The following ZFP30 variants were observed in gnomAD, a reference collection of about 807,000 sequenced individuals.
The protein encoded by ZFP30 is zinc finger protein 30 homolog.
In ZFP30, 16 loss-of-function variants were observed where a neutral mutation model predicts 12.3. That is an observed-to-expected ratio of 1.30 (90% CI 0.88 to 1.98). The LOEUF (loss-of-function observed/expected upper bound fraction) is 1.98, where lower values mean the gene tolerates loss of function less well. Among genes scored for constraint, ZFP30 ranks in the 30% most tolerant of loss-of-function variants. ZFP30 has a pLI of 0.00. For missense variants in ZFP30, 560 were observed against 611.2 expected (o/e 0.92, Z 0.88); for synonymous variants, 172 against 201.0 (o/e 0.86, Z 1.22).
At position 37,636,251 on chromosome 19, in the gene ZFP30, T is replaced by C; in HGVS notation, c.290A>G (p.Glu97Gly). The part of the protein sequence containing the change: ...KKLFQGKDIY[E>G]MNLSQWKVME... ...TACCTTCCACTGAGATAAGTTCATT[T>C]CATAAATATCCTTTCCTTGAAATAA... The change falls in exon 6 of 6, where the codon GAA becomes GGA. Residue 97 changes from glutamate to glycine, a missense_variant. Physicochemically the swap from Glu to Gly is moderately conservative, Grantham distance 98. Transcript: ENST00000684514. 1 of 1,609,220 alleles carries C rather than the reference T, an allele frequency of 6.2e-7. No homozygotes were observed. Among genetic ancestry groups the C allele is most frequent in the Non-Finnish European group, 8.5e-7 (1 of 1,178,448 alleles).
upstream of ZFP30, chr19:37,655,837 C>T (rs961698070): frequency 2.0e-5 from 3 of 151,318 alleles, no homozygotes; most frequent in South Asian, 2.1e-4. Flanking sequence ...TGGAAATCGG[C>T]TTCTGCCTCG....
upstream of ZFP30, chr19:37,655,699 T>C (rs1172249929): frequency 6.6e-6 from 1 of 152,274 alleles, no homozygotes; most frequent in African/African-American, 2.4e-5. Flanking sequence ...TGCTCCCCTG[T>C]GGACACTGCG....
chr19:37,650,144 G>A (rs1476582829), intron 2 of ZFP30, among the ~76,000 whole-genome samples: 1 of 150,434 alleles, frequency 6.6e-6, no homozygotes, highest in Non-Finnish European at 1.5e-5. Flanking sequence ...TTTTTAGGCA[G>A]GCTTTTGCTC....
At chr19:37,644,816 G>T in intron 3 of ZFP30, 80 bp from the exon 4 acceptor site, 1 of 1,393,882 alleles carries the variant, frequency 7.2e-7, no homozygotes, top group Non-Finnish European at 9.7e-7. Context: ...GGGTGTAGTG[G>T]CTCAATGCTT....
intron 2 of ZFP30, among the ~76,000 whole-genome samples, chr19:37,652,056 G>A (rs2044662192): frequency 6.6e-6 from 1 of 152,080 alleles, no homozygotes; most frequent in Non-Finnish European, 1.5e-5. Context: ...TTTAAAATCA[G>A]ATTTAAATCT....
At chr19:37,650,150 T>G (rs2070267613) in intron 2 of ZFP30, among the ~76,000 whole-genome samples, 1 of 151,998 alleles carries the variant, frequency 6.6e-6, no homozygotes, top group Non-Finnish European at 1.5e-5. Context: ...GGCAGGCTTT[T>G]GCTCTGTCGC....
At chr19:37,644,916 C>CA (rs34274239) in intron 3 of ZFP30, among the ~76,000 whole-genome samples, 180 bp from the exon 4 acceptor site, 229 of 149,518 alleles carry the variant, frequency 1.5e-3, no homozygotes, top group African/African-American at 5.1e-3. Context: ...GAACTTGTCT[C>CA]AAAAAAAAAG....
chr19:37,651,018 AG>A (rs1568388091), intron 2 of ZFP30, among the ~76,000 whole-genome samples: 1 of 152,088 alleles, frequency 6.6e-6, no homozygotes, highest in Non-Finnish European at 1.5e-5. Context: ...TTGGGATTAT[AG>A]GTGTGAGCCA....
At chr19:37,639,961 C>T (rs74679010) in intron 5 of ZFP30, among the ~76,000 whole-genome samples, 397 of 152,270 alleles carry the variant, frequency 2.6e-3, no homozygotes, top group Non-Finnish European at 4.2e-3. Context: ...ACCAAATAGC[C>T]ATGTTTGTTC....
At position 37,633,678 on chromosome 19, in the gene ZFP30, A is replaced by T. The variant is rs1026247318; in HGVS notation, c.*1303T>A. Reference sequence around the variant, plus strand: ...AATTTTTTTTAAAATAATTCATTTTAAACTGGCTATAATTTCATGGATAAT... The same window carrying T: ...AATTTTTTTTAAAATAATTCATTTTTAACTGGCTATAATTTCATGGATAAT... On this transcript the variant is annotated 3_prime_UTR_variant, in exon 6 of 6. Transcript: ENST00000684514. 6.6e-6 allele frequency: 1 copy of T among 152,220 alleles called. No homozygotes were observed. Among genetic ancestry groups the T allele is most frequent in the Non-Finnish European group, 1.5e-5 (1 of 68,046 alleles). 9.4% of individuals were successfully genotyped at this position (152,220 alleles called of 1,614,324 possible). A position where few individuals can be genotyped will look rare whatever the true frequency, so the allele number is the denominator to read the frequency against.
intron 5 of ZFP30, among the ~76,000 whole-genome samples, chr19:37,638,100 A>G (rs895220026): frequency 2.6e-5 from 4 of 152,214 alleles, no homozygotes. Context: ...TAAATGGAAA[A>G]TAGTGATTTC....
chr19:37,640,730 T>C (rs1237720449), intron 5 of ZFP30, among the ~76,000 whole-genome samples: 1 of 150,046 alleles, frequency 6.7e-6, no homozygotes, highest in Non-Finnish European at 1.5e-5. Context: ...CAAAATAAAA[T>C]AAAATAAAAT....
chr19:37,643,151 C>A, intron 5 of ZFP30, 114 bp downstream of exon 5: 4 of 651,058 alleles, frequency 6.1e-6, no homozygotes, highest in East Asian at 3.5e-5. Context: ...TCTAAATTTT[C>A]TTCCCAAGTT....
Position 37,631,859 on chromosome 19 carries a change from C to T in ZFP30, c.*3122G>A, listed in dbSNP as rs985199549. 6.6e-6 allele frequency: 1 copy of T among 152,040 alleles called. No homozygotes were observed. Among genetic ancestry groups the T allele is most frequent in the Non-Finnish European group, 1.5e-5 (1 of 68,000 alleles). 9.4% of individuals were successfully genotyped at this position (152,040 alleles called of 1,614,324 possible). ...CACATAAATGATTTTCTATTCTAAA[C>T]TGTTGGATATAATTTCCCATAGAAA... is the stretch of plus-strand genomic sequence containing the variant. On this transcript the variant is annotated 3_prime_UTR_variant, in exon 6 of 6. Coordinates refer to ENST00000684514, the MANE Select transcript of ZFP30 (RefSeq NM_001320669.3).
intron 2 of ZFP30, among the ~76,000 whole-genome samples, chr19:37,650,882 C>T (rs879317852): frequency 6.6e-6 from 1 of 151,992 alleles, no homozygotes; most frequent in Non-Finnish European, 1.5e-5. Flanking sequence ...GGATTACAGG[C>T]ACACACCACC....
intron 2 of ZFP30, among the ~76,000 whole-genome samples, chr19:37,654,234 C>T (rs1465856887): frequency 6.6e-6 from 1 of 152,114 alleles, no homozygotes; most frequent in Admixed American, 6.5e-5. Context: ...TTAACCACTA[C>T]ACTACACCTC....
intron 4 of ZFP30, among the ~76,000 whole-genome samples, chr19:37,643,991 C>T (rs941502885): frequency 1.3e-5 from 2 of 152,184 alleles, no homozygotes; most frequent in African/African-American, 2.4e-5. Flanking sequence ...TAGAGCCAGA[C>T]ACCTCTGTCT....
Position 37,635,133 on chromosome 19 carries a change from C to G in ZFP30, c.1408G>C (p.Glu470Gln). The change falls in exon 6 of 6, where the codon GAA (glutamate) becomes CAA (glutamine). Residue 470 changes from glutamate to glutamine, a missense_variant. By Grantham distance (29) the Glu-to-Gln change is conservative. Coordinates refer to ENST00000684514, the MANE Select transcript of ZFP30 (RefSeq NM_001320669.3). ...HTGEKPYDCKECGKAFRLHSS... is the reference protein window; with the variant it reads ...HTGEKPYDCKQCGKAFRLHSS... The stretch of plus-strand genomic sequence containing the variant: ...TGAAGTCTAAAGGCCTTTCCACATT[C>G]CTTACAGTCATAGGGCTTTTCACCA... 1 of 1,613,172 alleles carries G rather than the reference C, an allele frequency of 6.2e-7. No homozygotes were observed. The highest frequency in any genetic ancestry group is 8.5e-7 in the Non-Finnish European group (1 of 1,179,582).
chr19:37,653,446 T>C (rs1170480273), intron 2 of ZFP30, among the ~76,000 whole-genome samples: 6 of 152,202 alleles, frequency 3.9e-5, no homozygotes, highest in African/African-American at 1.2e-4. Context: ...AAATATTACA[T>C]TGTTGCAAAA....
Sources: allele counts gnomAD v4.1 joint callset (sites outside exome capture counted in the v4.1 genomes callset), GRCh38; gene constraint gnomAD v4.1.1; transcripts MANE v1.5; gene names NCBI Gene and HGNC (gene_info 2026-07-23, HGNC 2026-07-21).